AFAP1: variants seen among roughly 807,000 people sequenced by gnomAD.
AFAP1 encodes the protein actin filament-associated protein 1.
AFAP1 carries 75 observed loss-of-function variants against 93.9 expected under a neutral mutation model. The observed-to-expected ratio is 0.80, with a 90% CI of 0.66 to 0.97. The LOEUF (loss-of-function observed/expected upper bound fraction) is 0.97. AFAP1 is among the 50% of genes least tolerant of loss of function. The probability of loss-of-function intolerance (pLI) is 0.00; values close to 1 mark genes in which losing one functional copy is unlikely to be tolerated. For missense variants in AFAP1, 1,201 were observed against 1,050.8 expected, an observed-to-expected ratio of 1.14 and a Z score of -1.98; for synonymous variants, 517 against 430.7, an observed-to-expected ratio of 1.20 and a Z score of -2.48.
chr4:7,797,678 G>A (rs1718566761), intron 10 of AFAP1, among the ~76,000 whole-genome samples: 1 of 152,178 alleles, frequency 6.6e-6, no homozygotes, highest in Non-Finnish European at 1.5e-5. Flanking sequence ...GACATGATAG[G>A]AATAACTAGA....
At chr4:7,863,383 C>A (rs1577311808) in intron 3 of AFAP1, among the ~76,000 whole-genome samples, 1 of 152,170 alleles carries the variant, frequency 6.6e-6, no homozygotes, top group Non-Finnish European at 1.5e-5. Flanking sequence ...CGTGCCACTG[C>A]ACTCCAGCCT....
intron 14 of AFAP1, chr4:7,776,452 A>C (rs192153655): frequency 7.9e-5 from 12 of 152,302 alleles, no homozygotes; most frequent in African/African-American, 2.9e-4. Context: ...AAAATCTAAC[A>C]AAATGATACG....
In AFAP1 at chr4:7,769,732, GTGTT is replaced by G. The variant is rs374062658; in HGVS notation, c.2254-728_2254-725del. ...CGCTTCCTAGGATTCCTGCCAAAAT[GTGTT>G]TGTTATGTAAAAAATATTGCTCAGG... is the stretch of plus-strand genomic sequence containing the variant. On this transcript the variant is annotated intron_variant, in intron 16 of 17. Coordinates refer to ENST00000420658, the MANE Select transcript of AFAP1 (RefSeq NM_001134647.2). Among the ~76,000 whole-genome samples, 22 of 152,322 alleles carry G rather than the reference GTGTT, an allele frequency of 1.4e-4. No individual in the cohort carries two copies. The East Asian group carries it at 1.5e-3, about 11-fold the overall frequency.
chr4:7,899,180 C>T (rs1718974972), intron 1 of AFAP1, among the ~76,000 whole-genome samples: 1 of 152,028 alleles, frequency 6.6e-6, no homozygotes. Flanking sequence ...TGCTAAGACA[C>T]ATAACCTCCT....
Position 7,843,254 on chromosome 4 carries a change from T to C in AFAP1, c.431A>G (p.Glu144Gly), listed in dbSNP as rs1186614083. The stretch of plus-strand genomic sequence containing the variant: ...CTTGACCAGGTCCATGGAGGCCTCC[T>C]CGGAGGGCCACTGGTGCCGGGTTTT... ...GKKTRHQWPSEEASMDLVKDA... is the reference protein window; with the variant it reads ...GKKTRHQWPSGEASMDLVKDA... Residue 144 changes from glutamate to glycine, a missense_variant, in exon 5 of 18, where the codon GAG becomes GGG. By Grantham distance (98) the Glu-to-Gly change is moderately conservative. Coordinates refer to ENST00000420658, the MANE Select transcript of AFAP1 (RefSeq NM_001134647.2). 6.2e-7 allele frequency: 1 copy of C among 1,614,212 alleles called. No homozygotes were observed. The highest frequency in any genetic ancestry group is 8.5e-7 in the Non-Finnish European group (1 of 1,180,028).
chr4:7,867,316 T>C (rs1234527275), intron 3 of AFAP1, among the ~76,000 whole-genome samples: 1 of 152,162 alleles, frequency 6.6e-6, no homozygotes, highest in Non-Finnish European at 1.5e-5. Flanking sequence ...TGAGATATAT[T>C]TGCTCTTTCC....
At chr4:7,906,916 C>G (rs748868042) in intron 1 of AFAP1, among the ~76,000 whole-genome samples, 1 of 151,740 alleles carries the variant, frequency 6.6e-6, no homozygotes, top group African/African-American at 2.4e-5. Context: ...GAGGAAGAAC[C>G]GCTTGAACTC....
chr4:7,808,066 T>C (rs1719683349), intron 9 of AFAP1, among the ~76,000 whole-genome samples: 1 of 152,072 alleles, frequency 6.6e-6, no homozygotes, highest in African/African-American at 2.4e-5. Flanking sequence ...TAACGGGTGC[T>C]CAATAAGGGG....
chr4:7,877,964 G>A (rs28716569), intron 1 of AFAP1, among the ~76,000 whole-genome samples: 1 of 152,156 alleles, frequency 6.6e-6, no homozygotes, highest in South Asian at 2.1e-4. Context: ...GCTGGTGCCT[G>A]ACTACGTTCA....
At chr4:7,823,580 T>G (rs1337750452) in intron 6 of AFAP1, among the ~76,000 whole-genome samples, 2 of 152,198 alleles carry the variant, frequency 1.3e-5, no homozygotes, top group Admixed American at 1.3e-4. Context: ...ATCCCTCTCC[T>G]GTTCCCATCA....
At chr4:7,822,371 C>G (rs145748631) in intron 6 of AFAP1, among the ~76,000 whole-genome samples, 121 of 152,252 alleles carry the variant, frequency 7.9e-4, no homozygotes, top group African/African-American at 2.7e-3. Context: ...TATTTCTCCC[C>G]TAACAGGCAT....
intron 6 of AFAP1, among the ~76,000 whole-genome samples, chr4:7,822,592 T>TC (rs1364807953): frequency 4.3e-5 from 4 of 94,026 alleles, no homozygotes; most frequent in African/African-American, 1.1e-4. Flanking sequence ...TTTTCTTTTT[T>TC]TTTTTTTTTT....
chr4:7,763,911 C>T, intron 17 of AFAP1, 120 bp from the exon 18 acceptor site: 1 of 935,888 alleles, frequency 1.1e-6, no homozygotes, highest in Admixed American at 2.0e-5. Flanking sequence ...GAAAACTCAA[C>T]AGAATCAATG....
intron 1 of AFAP1, among the ~76,000 whole-genome samples, chr4:7,878,516 G>C (rs1441613866): frequency 6.6e-6 from 1 of 152,080 alleles, no homozygotes; most frequent in East Asian, 1.9e-4. Flanking sequence ...AGAACAACAG[G>C]TGCCCTTGTT....
At chr4:7,846,367 G>GA (rs1442315772) in intron 4 of AFAP1, among the ~76,000 whole-genome samples, 1 of 152,240 alleles carries the variant, frequency 6.6e-6, no homozygotes, top group Admixed American at 6.5e-5. Context: ...TATGTGGAAG[G>GA]AAACGATGGA....
intron 11 of AFAP1, among the ~76,000 whole-genome samples, chr4:7,789,594 C>A (rs905801892): frequency 7.5e-6 from 1 of 133,174 alleles, no homozygotes; most frequent in Non-Finnish European, 1.6e-5. Flanking sequence ...TCCGCACCAG[C>A]CGCTGCTTTC....
chr4:7,876,610 G>A (rs201773083), intron 1 of AFAP1, among the ~76,000 whole-genome samples: 8 of 152,202 alleles, frequency 5.3e-5, no homozygotes, highest in Admixed American at 3.3e-4. Context: ...AGGCAGCCCC[G>A]CAAGAGAGGA....
intron 1 of AFAP1, among the ~76,000 whole-genome samples, chr4:7,890,638 A>T (rs1385056249): frequency 1.3e-5 from 2 of 152,240 alleles, no homozygotes; most frequent in African/African-American, 2.4e-5. Context: ...CTAATAAAAA[A>T]TGGGCAAAGT....
intron 1 of AFAP1, among the ~76,000 whole-genome samples, chr4:7,884,159 C>G (rs558525194): frequency 6.6e-6 from 1 of 152,158 alleles, no homozygotes; most frequent in Non-Finnish European, 1.5e-5. Flanking sequence ...ACACCTGCTC[C>G]CCCCTTCACC....
Sources: allele counts gnomAD v4.1 joint callset (sites outside exome capture counted in the v4.1 genomes callset), GRCh38; gene constraint gnomAD v4.1.1; transcripts MANE v1.5; gene names NCBI Gene and HGNC (gene_info 2026-07-23, HGNC 2026-07-21).